Variants in SCFD2 observed in about 807,000 individuals in gnomAD.
SCFD2 encodes sec1 family domain-containing protein 2.
In SCFD2, 54 loss-of-function variants were observed where a neutral mutation model predicts 58.9. The observed-to-expected ratio is 0.92, with a 90% CI of 0.74 to 1.15. The LOEUF (loss-of-function observed/expected upper bound fraction) is 1.15. Ranked by LOEUF, SCFD2 falls within the 50% of genes most tolerant of loss-of-function variation. SCFD2 has a pLI of 0.00. For synonymous variants in SCFD2, 321 were observed against 335.9 expected (o/e 0.96, Z 0.49); for missense variants, 805 against 836.6 (o/e 0.96, Z 0.47).
At chr4:53,135,238 T>G (rs1725901217) in intron 5 of SCFD2, among the ~76,000 whole-genome samples, 1 of 152,170 alleles carries the variant, frequency 6.6e-6, no homozygotes, top group African/African-American at 2.4e-5. Context: ...AATCAATGCC[T>G]AAGGCGGGGG....
intron 2 of SCFD2, among the ~76,000 whole-genome samples, chr4:53,323,387 T>C (rs546571180): frequency 1.3e-5 from 2 of 152,176 alleles, no homozygotes; most frequent in Non-Finnish European, 2.9e-5. Context: ...TGTTGTTGTT[T>C]TTTTGGGACA....
chr4:52,895,157 C>A (rs1718973374), intron 7 of SCFD2, among the ~76,000 whole-genome samples: 1 of 152,008 alleles, frequency 6.6e-6, no homozygotes. Flanking sequence ...ATTTTCTGCT[C>A]CTCATGCTCT....
chr4:53,094,684 C>T (rs1019226197), intron 5 of SCFD2, among the ~76,000 whole-genome samples: 1 of 151,984 alleles, frequency 6.6e-6, no homozygotes, highest in Non-Finnish European at 1.5e-5. Flanking sequence ...CCATTTTCAT[C>T]AGTGTACAAT....
intron 7 of SCFD2, among the ~76,000 whole-genome samples, chr4:52,886,751 G>C (rs1718750785): frequency 6.6e-6 from 1 of 152,236 alleles, no homozygotes; most frequent in Non-Finnish European, 1.5e-5. Flanking sequence ...CCAGTGGTCT[G>C]TGAACTCATT....
intron 5 of SCFD2, among the ~76,000 whole-genome samples, chr4:53,024,162 G>C (rs935748284): frequency 6.6e-6 from 1 of 152,156 alleles, no homozygotes; most frequent in Non-Finnish European, 1.5e-5. Flanking sequence ...GACACCAAGT[G>C]CTAGCCATCA....
At chr4:53,022,227 A>G (rs1722366647) in intron 5 of SCFD2, among the ~76,000 whole-genome samples, 1 of 152,174 alleles carries the variant, frequency 6.6e-6, no homozygotes, top group Non-Finnish European at 1.5e-5. Context: ...ACATGGAAAA[A>G]TGTTATTTTC....
intron 5 of SCFD2, among the ~76,000 whole-genome samples, chr4:53,103,886 AC>A: frequency 6.9e-6 from 1 of 145,232 alleles, no homozygotes; most frequent in African/African-American, 2.6e-5. Context: ...CAAAGCTGGA[AC>A]AATATGAGCT....
intron 5 of SCFD2, among the ~76,000 whole-genome samples, chr4:53,102,417 A>C (rs546471662): frequency 1.3e-5 from 2 of 152,250 alleles, no homozygotes; most frequent in South Asian, 4.1e-4. Flanking sequence ...GACTAAAAAA[A>C]ATTGAATGGC....
chr4:53,331,351 G>C (rs1210805563), intron 2 of SCFD2, among the ~76,000 whole-genome samples: 1 of 151,976 alleles, frequency 6.6e-6, no homozygotes, highest in East Asian at 1.9e-4. Context: ...TGGAAGTAAA[G>C]CTCTCCTCAG....
intron 5 of SCFD2, among the ~76,000 whole-genome samples, chr4:52,963,730 A>G (rs941659826): frequency 2.6e-5 from 4 of 152,142 alleles, no homozygotes; most frequent in Middle Eastern, 3.2e-3. Context: ...TCTTCTGTAA[A>G]TTTGGTGAGC....
At chr4:53,340,755 G>C (rs1190918292) in intron 2 of SCFD2, among the ~76,000 whole-genome samples, 2 of 152,176 alleles carry the variant, frequency 1.3e-5, no homozygotes, top group Non-Finnish European at 1.5e-5. Context: ...GCCTCTCTGA[G>C]ACGAAGCTTC....
Position 53,216,704 on chromosome 4 carries a change from G to T in SCFD2, c.1311+57122C>A, listed in dbSNP as rs759659090. ...CTTCTGCTAGCTTTTGAATGTGTTT[G>T]CTCTTGCTTCTCTAGTTCTTCTAAT... On this transcript the variant is annotated intron_variant, in intron 4 of 8. Coordinates refer to ENST00000401642, the MANE Select transcript of SCFD2 (RefSeq NM_152540.4). Among the ~76,000 whole-genome samples, 6 of 152,012 alleles carry T rather than the reference G, an allele frequency of 3.9e-5. No homozygotes were observed. The South Asian group carries it at 1.2e-3, about 32-fold the overall frequency.
intron 4 of SCFD2, among the ~76,000 whole-genome samples, chr4:53,152,804 G>C: frequency 6.6e-6 from 1 of 152,160 alleles, no homozygotes; most frequent in Admixed American, 6.5e-5. Context: ...AAATTGGGTA[G>C]ATGTTCCCAT....
At chr4:53,115,140 A>G (rs1725284565) in intron 5 of SCFD2, among the ~76,000 whole-genome samples, 2 of 152,172 alleles carry the variant, frequency 1.3e-5, no homozygotes, top group Non-Finnish European at 2.9e-5. Flanking sequence ...AAACATTTCA[A>G]TAGTTACAAT....
chr4:52,907,628 T>A, intron 6 of SCFD2, 37 bp from the exon 7 acceptor site: 1 of 1,610,142 alleles, frequency 6.2e-7, no homozygotes, highest in African/African-American at 1.3e-5. Flanking sequence ...AGGGATTGTT[T>A]GGTTTGTCTG....
intron 4 of SCFD2, among the ~76,000 whole-genome samples, chr4:53,221,907 C>T (rs546635479): frequency 1.3e-5 from 2 of 152,258 alleles, no homozygotes; most frequent in African/African-American, 4.8e-5. Flanking sequence ...ACAGAGGAAC[C>T]ACAACAACAA....
chr4:52,930,798 A>T (rs775850411), intron 5 of SCFD2, among the ~76,000 whole-genome samples: 3 of 152,168 alleles, frequency 2.0e-5, no homozygotes, highest in Non-Finnish European at 4.4e-5. Flanking sequence ...AACTAAATAC[A>T]CTGTAGACAA....
chr4:52,879,840 C>T (rs1718566078), intron 8 of SCFD2, among the ~76,000 whole-genome samples: 1 of 152,248 alleles, frequency 6.6e-6, no homozygotes, highest in Admixed American at 6.5e-5. Context: ...ATTTCTAACA[C>T]TCAGTATCAA....
intron 5 of SCFD2, among the ~76,000 whole-genome samples, chr4:53,071,785 T>A (rs1489336615): frequency 6.6e-6 from 1 of 152,054 alleles, no homozygotes; most frequent in African/African-American, 2.4e-5. Context: ...GAAAGGCAAA[T>A]GTATGCGACT....
Sources: allele counts gnomAD v4.1 joint callset (sites outside exome capture counted in the v4.1 genomes callset), GRCh38; gene constraint gnomAD v4.1.1; transcripts MANE v1.5; gene names NCBI Gene and HGNC (gene_info 2026-07-23, HGNC 2026-07-21).